The following UHRF2 variants were observed in gnomAD, a reference collection of about 807,000 sequenced individuals.
UHRF2 encodes ubiquitin like with PHD and ring finger domains 2.
In UHRF2, 23 loss-of-function variants were observed where a neutral mutation model predicts 96.8. The ratio of observed to expected loss-of-function variants is 0.24; its 90% CI spans 0.17 to 0.34. The LOEUF (loss-of-function observed/expected upper bound fraction) is 0.34, where lower values mean the gene tolerates loss of function less well. Among genes scored for constraint, UHRF2 ranks in the 10% least tolerant of loss-of-function variants. The pLI, the probability that UHRF2 is intolerant of heterozygous loss-of-function variation, is 1.00. For missense variants in UHRF2, 685 were observed against 981.5 expected, an observed-to-expected ratio of 0.70 and a Z score of 4.04; for synonymous variants, 385 against 332.6, an observed-to-expected ratio of 1.16 and a Z score of -1.72.
chr9:6,435,074 C>A (rs1343312215), intron 3 of UHRF2, among the ~76,000 whole-genome samples: 1 of 151,784 alleles, frequency 6.6e-6, no homozygotes, highest in Non-Finnish European at 1.5e-5. Flanking sequence ...AGTGATGCAA[C>A]CTCCACCTCC....
intron 9 of UHRF2, among the ~76,000 whole-genome samples, chr9:6,491,807 T>A (rs1290624437): frequency 1.3e-5 from 2 of 152,258 alleles, no homozygotes; most frequent in East Asian, 3.8e-4. Flanking sequence ...AGAACTTGTT[T>A]AGGCTACTGC....
At chr9:6,439,365 A>C (rs1033239963) in intron 3 of UHRF2, among the ~76,000 whole-genome samples, 13 of 152,192 alleles carry the variant, frequency 8.5e-5, no homozygotes, top group East Asian at 3.9e-4. Flanking sequence ...GTAGAGATGG[A>C]GTTTCGCCAT....
intron 2 of UHRF2, among the ~76,000 whole-genome samples, chr9:6,426,721 T>C (rs1820279910): frequency 2.0e-5 from 3 of 152,202 alleles, no homozygotes; most frequent in Non-Finnish European, 4.4e-5. Flanking sequence ...ATTTAGAAGC[T>C]GCTACTTTTG....
chr9:6,423,642 T>TC (rs1820063244), intron 2 of UHRF2, among the ~76,000 whole-genome samples: 1 of 151,926 alleles, frequency 6.6e-6, no homozygotes, highest in African/African-American at 2.4e-5. Flanking sequence ...TGATTTTTTT[T>TC]TTTTTTTTAA....
intron 3 of UHRF2, among the ~76,000 whole-genome samples, chr9:6,446,523 C>G (rs1009137674): frequency 5.3e-5 from 8 of 151,854 alleles, no homozygotes; most frequent in African/African-American, 1.7e-4. Context: ...TGAAGTGATT[C>G]GTCTGCCTCA....
chr9:6,418,150 T>C (rs1563737895), intron 1 of UHRF2, among the ~76,000 whole-genome samples: 2 of 152,168 alleles, frequency 1.3e-5, no homozygotes, highest in South Asian at 4.1e-4. Context: ...TTGGGTTTTT[T>C]TGTGGGGGTG....
At chr9:6,447,698 A>G (rs1307295637) in intron 3 of UHRF2, among the ~76,000 whole-genome samples, 1 of 152,112 alleles carries the variant, frequency 6.6e-6, no homozygotes, top group East Asian at 1.9e-4. Context: ...AAATCCATAA[A>G]CCCCCGAGGA....
intron 4 of UHRF2, among the ~76,000 whole-genome samples, chr9:6,469,786 GTATATATGTGTATATATATATT>G (rs1823128949): frequency 6.7e-6 from 1 of 148,194 alleles, no homozygotes; most frequent in Non-Finnish European, 1.5e-5. Context: ...GTATATATAT[GTATATATGTGTATATATATATT>G]TATATTTGGA....
intron 3 of UHRF2, among the ~76,000 whole-genome samples, chr9:6,456,857 A>T (rs1822210242): frequency 6.6e-6 from 1 of 152,022 alleles, no homozygotes; most frequent in Admixed American, 6.5e-5. Flanking sequence ...GTGTGGCGTT[A>T]TTTCTGAGAC....
chr9:6,439,013 T>C (rs1821006547), intron 3 of UHRF2, among the ~76,000 whole-genome samples: 10 of 152,244 alleles, frequency 6.6e-5, no homozygotes. Context: ...ATAACTGAAA[T>C]AATTTGTTTC....
At chr9:6,452,667 A>G (rs1316755447) in intron 3 of UHRF2, among the ~76,000 whole-genome samples, 2 of 152,246 alleles carry the variant, frequency 1.3e-5, no homozygotes, top group Admixed American at 6.5e-5. Context: ...TAAAGGCAAC[A>G]TAAGATAAAT....
At chr9:6,434,501 C>T (rs1431520404) in intron 3 of UHRF2, among the ~76,000 whole-genome samples, 1 of 152,100 alleles carries the variant, frequency 6.6e-6, no homozygotes, top group African/African-American at 2.4e-5. Flanking sequence ...CTGAATGGCA[C>T]AATCTCGCCT....
intron 4 of UHRF2, among the ~76,000 whole-genome samples, chr9:6,474,777 A>T (rs978127845): frequency 6.6e-6 from 1 of 152,210 alleles, no homozygotes; most frequent in Non-Finnish European, 1.5e-5. Context: ...GGAAACTTTG[A>T]AGAAGTATAT....
chr9:6,504,439 G>A (rs151279412), intron 14 of UHRF2, 154 bp from the exon 15 acceptor site: 162 of 532,450 alleles, frequency 3.0e-4, no homozygotes, highest in African/African-American at 2.4e-3. Flanking sequence ...TAATAAATCA[G>A]GGTAATTGGA....
At chr9:6,417,053 A>G (rs1819648914) in intron 1 of UHRF2, among the ~76,000 whole-genome samples, 1 of 152,148 alleles carries the variant, frequency 6.6e-6, no homozygotes, top group South Asian at 2.1e-4. Context: ...TGTATATAAC[A>G]TATATAATAC....
rs1224960745 is a variant in UHRF2, at chr9:6,413,380, C to A, written c.-111C>A. ...GGTCGGTCCGGTGGGCGCGCTCGCCCGCCTGCCGCTGAGGGCCCGAGCCGC... is the reference window on the plus strand; with the variant it reads ...GGTCGGTCCGGTGGGCGCGCTCGCCAGCCTGCCGCTGAGGGCCCGAGCCGC... On this transcript the variant is annotated 5_prime_UTR_variant, in exon 1 of 16. Transcript: ENST00000276893. The A allele has an allele frequency of 8.9e-7, 1 of 1,123,630 alleles. No homozygotes were observed. Among genetic ancestry groups the A allele is most frequent in the African/African-American group, 1.6e-5 (1 of 61,016 alleles). The allele number at this position is 1,123,630 out of a possible 1,614,324, so 69.6% of individuals were successfully genotyped here.
chr9:6,468,461 C>T (rs1267785463), intron 4 of UHRF2: 7 of 455,888 alleles, frequency 1.5e-5, no homozygotes, highest in African/African-American at 8.0e-5. Context: ...GAACCAACTG[C>T]GGGTATGTCT....
chr9:6,413,399 G>T lies in UHRF2; in HGVS notation c.-92G>T. ...CTCGCCCGCCTGCCGCTGAGGGCCC[G>T]AGCCGCAGGGAAAGCGGCGCGGGCC... On this transcript the variant is annotated 5_prime_UTR_variant, in exon 1 of 16. Coordinates refer to ENST00000276893, the MANE Select transcript of UHRF2 (RefSeq NM_152896.3). 8.1e-7 allele frequency: 1 copy of T among 1,241,940 alleles called. No individual in the cohort carries two copies. The highest frequency in any genetic ancestry group is 1.0e-6 in the Non-Finnish European group (1 of 976,908). The allele number at this position is 1,241,940 out of a possible 1,614,324, so 76.9% of individuals were successfully genotyped here.
chr9:6,429,393 G>T (rs1820445078), intron 2 of UHRF2, among the ~76,000 whole-genome samples: 1 of 152,196 alleles, frequency 6.6e-6, no homozygotes, highest in South Asian at 2.1e-4. Flanking sequence ...TAATAAGACT[G>T]TACTCTGAGG....
Sources: allele counts gnomAD v4.1 joint callset (sites outside exome capture counted in the v4.1 genomes callset), GRCh38; gene constraint gnomAD v4.1.1; transcripts MANE v1.5; gene names NCBI Gene and HGNC (gene_info 2026-07-23, HGNC 2026-07-21).